Variants in MCM10 observed in about 807,000 individuals in gnomAD.
The protein encoded by MCM10 is minichromosome maintenance 10 replication initiation factor, also known as protein MCM10 homolog.
Under a neutral mutation model 109.9 loss-of-function variants are expected in MCM10, and 91 were observed. That is an observed-to-expected ratio of 0.83 (90% CI 0.70 to 0.99). The LOEUF (loss-of-function observed/expected upper bound fraction) is 0.99, where lower values mean the gene tolerates loss of function less well. MCM10 is among the 50% of genes least tolerant of loss of function. The pLI, the probability that MCM10 is intolerant of heterozygous loss-of-function variation, is 0.00. For missense variants in MCM10, 1,077 were observed against 1,061.2 expected (o/e 1.01, Z -0.21); for synonymous variants, 380 against 387.2 (o/e 0.98, Z 0.22).
At chr10:13,199,592 T>A (rs989236338) in intron 16 of MCM10, among the ~76,000 whole-genome samples, 20 of 152,296 alleles carry the variant, frequency 1.3e-4, no homozygotes, top group Non-Finnish European at 8.8e-5. Context: ...ATAGATAATA[T>A]GAATTACCTA....
Position 13,209,102 on chromosome 10 carries a change from T to C in MCM10, c.2510T>C (p.Leu837Pro). Reference sequence around the variant, plus strand: ...CTGTTCTGTTTCAGTAACTGTGGCCTCTACAAATGGGAACGGGACGGAATG... The same window carrying C: ...CTGTTCTGTTTCAGTAACTGTGGCCCCTACAAATGGGAACGGGACGGAATG... ...LPNKHCSNCGLYKWERDGMLK... is the reference protein window; with the variant it reads ...LPNKHCSNCGPYKWERDGMLK... The change falls in exon 19 of 20, where the codon CTC (leucine) becomes CCC (proline). Residue 837 changes from leucine (L) to proline (P), a missense_variant. Physicochemically the swap from Leu to Pro is moderately conservative, Grantham distance 98 (BLOSUM62 -3). Coordinates refer to ENST00000378714, the MANE Select transcript of MCM10 (RefSeq NM_018518.5). The C allele has an allele frequency of 1.2e-6, 2 of 1,613,232 alleles. No individual in the cohort carries two copies. The highest frequency in any genetic ancestry group is 1.7e-6 in the Non-Finnish European group (2 of 1,179,116).
chr10:13,187,873 G>A lies in MCM10; in HGVS notation c.1216-1008G>A, dbSNP rs138849922. Reference sequence around the variant, plus strand: ...TAAAAATCCATTGTCTGGATGGGGCGGTGGCTCACACTTGTAATCCCTGCA... The same window carrying A: ...TAAAAATCCATTGTCTGGATGGGGCAGTGGCTCACACTTGTAATCCCTGCA... On this transcript the variant is annotated intron_variant, in intron 9 of 19. Coordinates refer to ENST00000378714, the MANE Select transcript of MCM10 (RefSeq NM_018518.5). Among the ~76,000 whole-genome samples the A allele has an allele frequency of 2.4e-4, 36 of 152,114 alleles. No homozygotes were observed. In the East Asian group the frequency reaches 5.8e-3, roughly 25 times the overall value.
At chr10:13,163,977 G>A (rs995160100) in intron 1 of MCM10, among the ~76,000 whole-genome samples, 151 bp from the exon 2 acceptor site, 2 of 152,250 alleles carry the variant, frequency 1.3e-5, no homozygotes, top group African/African-American at 2.4e-5. Context: ...GGCATTGGCG[G>A]TGTGGAGAGA....
intron 5 of MCM10, among the ~76,000 whole-genome samples, chr10:13,173,218 G>A (rs2131560304): frequency 6.6e-6 from 1 of 152,160 alleles, no homozygotes; most frequent in African/African-American, 2.4e-5. Flanking sequence ...AAAATCCTTA[G>A]GTACAGAGTA....
In MCM10 at chr10:13,197,745, A is replaced by T; in HGVS notation, c.2097A>T (p.Lys699Asn). 1.2e-6 allele frequency: 2 copies of T among 1,612,546 alleles called. No homozygotes were observed. Among genetic ancestry groups the T allele is most frequent in the South Asian group, 1.1e-5 (1 of 90,498 alleles). ...TGGAGGTGAAGGAACGTGTAGAAAA[A>T]AACACCATGTTTTCTTCTCAAGGTA... Reference protein sequence around the residue: ...DILEVKERVEKNTMFSSQAED... With the variant: ...DILEVKERVENNTMFSSQAED... The change falls in exon 15 of 20, where the codon AAA becomes AAT. Residue 699 changes from lysine (K) to asparagine (N), a missense_variant. Physicochemically the swap from Lys to Asn is moderately conservative, Grantham distance 94 (BLOSUM62 0). Transcript: ENST00000378714.
intron 8 of MCM10, among the ~76,000 whole-genome samples, chr10:13,183,744 A>G (rs187842711): frequency 1.8e-4 from 27 of 151,472 alleles, no homozygotes; most frequent in African/African-American, 6.5e-4. Flanking sequence ...GAGTACAGTC[A>G]TGTGTTCTTG....
At position 13,169,487 on chromosome 10, in the gene MCM10, C is replaced by T. The variant is rs189253442; in HGVS notation, c.8-1435C>T. Among the ~76,000 whole-genome samples, 12 of 152,230 alleles carry T rather than the reference C, an allele frequency of 7.9e-5. No individual in the cohort carries two copies. The East Asian group carries it at 2.3e-3, about 29-fold the overall frequency. ...GGCAGCATCTAGCAAAATTGGAAAA[C>T]GTGGATACCCAGCAATCCAGCAATT... On this transcript the variant is annotated intron_variant, in intron 2 of 19. Transcript: ENST00000378714.
intron 7 of MCM10, among the ~76,000 whole-genome samples, chr10:13,181,258 A>G (rs1834205906): frequency 6.6e-6 from 1 of 152,162 alleles, no homozygotes; most frequent in South Asian, 2.1e-4. Context: ...GATTAGATTG[A>G]AAATCTCTCC....
chr10:13,178,221 G>A (rs1834166159), intron 6 of MCM10, among the ~76,000 whole-genome samples: 2 of 151,948 alleles, frequency 1.3e-5, no homozygotes, highest in African/African-American at 4.8e-5. Context: ...TCAGCCTCCC[G>A]AGTAGCTCAG....
chr10:13,178,506 C>T (rs1439980015), intron 6 of MCM10, among the ~76,000 whole-genome samples: 1 of 152,180 alleles, frequency 6.6e-6, no homozygotes, highest in Non-Finnish European at 1.5e-5. Context: ...ACTGTCCTTT[C>T]CCCAATGTAT....
chr10:13,183,823 T>C (rs1421579539), intron 8 of MCM10, among the ~76,000 whole-genome samples: 2 of 152,132 alleles, frequency 1.3e-5, no homozygotes, highest in African/African-American at 4.8e-5. Context: ...TAGCTGGAAC[T>C]ACAGGTGCAT....
chr10:13,167,803 C>T (rs984866930), intron 2 of MCM10, among the ~76,000 whole-genome samples: 1 of 152,190 alleles, frequency 6.6e-6, no homozygotes, highest in Non-Finnish European at 1.5e-5. Flanking sequence ...CTATTCTAGA[C>T]ATTGCCATGT....
intron 18 of MCM10, 71 bp downstream of exon 18, chr10:13,204,435 T>C: frequency 6.4e-7 from 1 of 1,572,624 alleles, no homozygotes; most frequent in Non-Finnish European, 8.7e-7. Context: ...TCTGTGATTC[T>C]GTTCCCTTGG....
chr10:13,180,921 A>G (rs1265265007), intron 7 of MCM10, among the ~76,000 whole-genome samples: 1 of 152,132 alleles, frequency 6.6e-6, no homozygotes, highest in Non-Finnish European at 1.5e-5. Flanking sequence ...CATGGAGGAG[A>G]GGCGCAAGTA....
chr10:13,198,708 T>C lies in MCM10; in HGVS notation c.2139T>C (p.Pro713=), dbSNP rs765853239. The stretch of plus-strand genomic sequence containing the variant: ...CCCTAGCTGAGGATGAATTGGAGCC[T>C]GCCAGGAAAAAAAGGAGAGAACAAC... ...FSSQAEDELE[P]ARKKRREQLA... Residue 713 remains proline (P), a synonymous_variant, in exon 16 of 20, where the codon CCT becomes CCC. Coordinates refer to ENST00000378714, the MANE Select transcript of MCM10 (RefSeq NM_018518.5). 1.3e-5 allele frequency: 21 copies of C among 1,612,944 alleles called. No individual in the cohort carries two copies. The highest frequency in any genetic ancestry group is 1.5e-5 in the Non-Finnish European group (18 of 1,179,310).
intron 2 of MCM10, among the ~76,000 whole-genome samples, chr10:13,166,460 A>G (rs576288265): frequency 1.6e-4 from 24 of 151,400 alleles, no homozygotes; most frequent in Non-Finnish European, 3.5e-4. Flanking sequence ...ACATGGAGAA[A>G]CCCCATCTCT....
intron 2 of MCM10, 104 bp downstream of exon 2, chr10:13,164,313 G>A: frequency 9.0e-7 from 1 of 1,106,722 alleles, no homozygotes. Flanking sequence ...ATGCTCCCCA[G>A]CCCTCAGGTA....
intron 7 of MCM10, 99 bp downstream of exon 7, chr10:13,180,706 T>C: frequency 7.4e-7 from 1 of 1,357,764 alleles, no homozygotes; most frequent in Non-Finnish European, 1.0e-6. Flanking sequence ...GTGTTTCATT[T>C]AGAAATAAGT....
intron 13 of MCM10, among the ~76,000 whole-genome samples, chr10:13,193,540 T>C (rs1249526819): frequency 6.6e-6 from 1 of 152,162 alleles, no homozygotes; most frequent in Non-Finnish European, 1.5e-5. Context: ...CATGTTGTGC[T>C]CTGGTGCTGA....
Sources: gnomAD v4.1 joint callset for allele counts (sites outside exome capture counted in the v4.1 genomes callset) on GRCh38, gnomAD v4.1.1 for gene constraint, MANE v1.5 for transcripts, NCBI Gene and HGNC (gene_info 2026-07-23, HGNC 2026-07-21) for gene names.